The following ANO4 variants were observed in gnomAD, a reference collection of about 807,000 sequenced individuals.
ANO4 encodes the protein anoctamin-4.
In ANO4, 69 loss-of-function variants were observed where a neutral mutation model predicts 141.9. That is an observed-to-expected ratio of 0.49 (90% CI 0.40 to 0.59). ANO4 has a LOEUF of 0.59. Among genes scored for constraint, ANO4 ranks in the 20% least tolerant of loss-of-function variants. The pLI, the probability that ANO4 is intolerant of heterozygous loss-of-function variation, is 0.00. For missense variants in ANO4, 894 were observed against 1,162.2 expected, an observed-to-expected ratio of 0.77 and a Z score of 3.36; for synonymous variants, 350 against 394.3, an observed-to-expected ratio of 0.89 and a Z score of 1.33.
intron 1 of ANO4, among the ~76,000 whole-genome samples, chr12:100,856,761 G>C (rs1402325784): frequency 6.6e-6 from 1 of 152,120 alleles, no homozygotes; most frequent in Non-Finnish European, 1.5e-5. Flanking sequence ...GGGAATCAGA[G>C]CAGCTTCGCA....
chr12:100,828,559 G>A (rs2036480567), intron 1 of ANO4, among the ~76,000 whole-genome samples: 1 of 151,978 alleles, frequency 6.6e-6, no homozygotes. Context: ...TTAGTTTCAT[G>A]CCACTTTAGG....
At chr12:100,744,217 A>T (rs2032001486) in intron 3 of ANO4, among the ~76,000 whole-genome samples, 2 of 152,232 alleles carry the variant, frequency 1.3e-5, no homozygotes, top group East Asian at 3.8e-4. Context: ...GGTAGCTCTC[A>T]AAGTTGAATT....
intron 3 of ANO4, among the ~76,000 whole-genome samples, chr12:100,740,674 A>G (rs1170107932): frequency 6.6e-6 from 1 of 152,238 alleles, no homozygotes; most frequent in East Asian, 1.9e-4. Context: ...GGGGTCTGCA[A>G]ACTACTGCCA....
At chr12:100,838,229 CAAAAAA>C (rs11331726) in intron 1 of ANO4, among the ~76,000 whole-genome samples, 1 of 84,240 alleles carries the variant, frequency 1.2e-5, no homozygotes, top group Non-Finnish European at 2.3e-5. Flanking sequence ...GACTCCGTCT[CAAAAAA>C]AAAAAAAAAA....
At chr12:100,814,510 C>T (rs2035619525) in intron 1 of ANO4, among the ~76,000 whole-genome samples, 1 of 152,048 alleles carries the variant, frequency 6.6e-6, no homozygotes, top group African/African-American at 2.4e-5. Flanking sequence ...TGAGTGCTAG[C>T]ATCTTCTATT....
At chr12:100,720,220 T>A (rs2030801861) in intron 1 of ANO4, among the ~76,000 whole-genome samples, 1 of 151,990 alleles carries the variant, frequency 6.6e-6, no homozygotes, top group Non-Finnish European at 1.5e-5. Flanking sequence ...GTGGTTAGAC[T>A]CACAGACCTG....
At chr12:100,855,438 G>A (rs932264847) in intron 1 of ANO4, among the ~76,000 whole-genome samples, 1 of 152,026 alleles carries the variant, frequency 6.6e-6, no homozygotes, top group African/African-American at 2.4e-5. Context: ...GGGTGCTGTT[G>A]TTACAATCAT....
chr12:100,720,207 G>A (rs946436173), intron 1 of ANO4, among the ~76,000 whole-genome samples: 19 of 152,226 alleles, frequency 1.2e-4, no homozygotes, highest in African/African-American at 4.3e-4. Context: ...CAGGAAGGGC[G>A]TTGTGGTTAG....
At chr12:100,749,317 T>G (rs1310728005) in intron 3 of ANO4, among the ~76,000 whole-genome samples, 1 of 152,240 alleles carries the variant, frequency 6.6e-6, no homozygotes, top group Non-Finnish European at 1.5e-5. Flanking sequence ...TTAACCTCCA[T>G]GTATACTACT....
At chr12:101,114,610 G>A (rs1368177889) in intron 24 of ANO4, among the ~76,000 whole-genome samples, 1 of 152,190 alleles carries the variant, frequency 6.6e-6, no homozygotes, top group East Asian at 1.9e-4. Context: ...GGGCTGGTCT[G>A]TGAGATAAGA....
intron 5 of ANO4, among the ~76,000 whole-genome samples, chr12:100,947,800 A>G (rs12313861): frequency 6.6e-6 from 1 of 152,222 alleles, no homozygotes; most frequent in African/African-American, 2.4e-5. Context: ...GTAGTAAGAG[A>G]TAAAGCCATT....
intron 5 of ANO4, among the ~76,000 whole-genome samples, chr12:100,959,994 A>T (rs916775237): frequency 3.3e-5 from 5 of 152,140 alleles, no homozygotes; most frequent in African/African-American, 1.2e-4. Context: ...TGCTGCGACC[A>T]GGGACCCAGA....
intron 9 of ANO4, among the ~76,000 whole-genome samples, chr12:101,032,501 A>C (rs1464890933): frequency 6.6e-6 from 1 of 152,212 alleles, no homozygotes; most frequent in Non-Finnish European, 1.5e-5. Flanking sequence ...TCTGCACAGC[A>C]AAAGAAACTA....
At chr12:100,735,630 G>T (rs985254699) in intron 2 of ANO4, among the ~76,000 whole-genome samples, 1 of 152,106 alleles carries the variant, frequency 6.6e-6, no homozygotes, top group Non-Finnish European at 1.5e-5. Context: ...GAAGAGGCGG[G>T]TCTAGGGGGA....
intron 1 of ANO4, among the ~76,000 whole-genome samples, chr12:100,807,930 A>T (rs999400187): frequency 1.3e-5 from 2 of 152,208 alleles, no homozygotes; most frequent in South Asian, 2.1e-4. Flanking sequence ...ATTCCACGGT[A>T]TATATGTACC....
intron 1 of ANO4, among the ~76,000 whole-genome samples, chr12:100,808,974 C>T (rs2035231798): frequency 6.6e-6 from 1 of 152,238 alleles, no homozygotes; most frequent in South Asian, 2.1e-4. Flanking sequence ...AATTAATTAG[C>T]TTAGTAAGCA....
At position 100,942,515 on chromosome 12, in the gene ANO4, G is replaced by A. The variant is rs2042561458; in HGVS notation, c.436G>A (p.Gly146Arg). Residue 146 changes from glycine to arginine, a missense_variant, in exon 5 of 28, where the codon GGA (glycine) becomes AGA (arginine). Transcript: ENST00000392977. ...EVFERNIRAE[G>R]LQMEKESSLI... is the part of the protein sequence containing the mutation. ...ATTTGAAAGAAACATTAGAGCAGAA[G>A]GATTGCAAATGGAGAAAGAGGTAAA... 3 of 1,613,484 alleles carry A rather than the reference G, an allele frequency of 1.9e-6. No homozygotes were observed. Among genetic ancestry groups the A allele is most frequent in the African/African-American group, 2.7e-5 (2 of 74,986 alleles).
intron 1 of ANO4, among the ~76,000 whole-genome samples, chr12:100,871,228 A>C (rs950079024): frequency 2.6e-5 from 4 of 152,310 alleles, no homozygotes; most frequent in South Asian, 4.1e-4. Flanking sequence ...GATGAGACAA[A>C]GAGGTATTAC....
intron 14 of ANO4, among the ~76,000 whole-genome samples, chr12:101,059,610 A>T (rs1338069690): frequency 6.6e-6 from 1 of 151,920 alleles, no homozygotes. Context: ...TAGCCTTGGG[A>T]GGGTGTATGT....
Sources: allele counts gnomAD v4.1 joint callset (sites outside exome capture counted in the v4.1 genomes callset), GRCh38; gene constraint gnomAD v4.1.1; transcripts MANE v1.5; gene names NCBI Gene and HGNC (gene_info 2026-07-23, HGNC 2026-07-21).